TNNT3: variants seen among roughly 807,000 people sequenced by gnomAD.
The protein encoded by TNNT3 is troponin T3, fast skeletal type.
In TNNT3, 36 loss-of-function variants were observed where a neutral mutation model predicts 54.2. The ratio of observed to expected loss-of-function variants is 0.66; its 90% CI spans 0.51 to 0.88. The LOEUF is 0.88. Ranked by LOEUF, TNNT3 falls within the 40% of genes least tolerant of loss-of-function variation. The pLI is 0.00. For synonymous variants in TNNT3, 120 were observed against 109.7 expected, an observed-to-expected ratio of 1.09 and a Z score of -0.59; for missense variants, 291 against 331.6, an observed-to-expected ratio of 0.88 and a Z score of 0.95.
Position 1,929,144 on chromosome 11 carries a change from G to A in TNNT3, c.106+1G>A, listed in dbSNP as rs1852520530. 7 of 1,612,936 alleles carry A rather than the reference G, an allele frequency of 4.3e-6. No individual in the cohort carries two copies. The highest frequency in any genetic ancestry group is 5.1e-6 in the Non-Finnish European group (6 of 1,179,980). On this transcript the variant is annotated splice_donor_variant, in intron 7 of 15. Coordinates refer to ENST00000278317, the MANE Select transcript of TNNT3 (RefSeq NM_006757.4). LOFTEE classifies it high-confidence loss of function. ...GACACCGCAGAGGAGGACGCGGAAG[G>A]TAAGGGCCCGTCCCTGCCGCCGGAG... is the stretch of plus-strand genomic sequence containing the variant.
intron 11 of TNNT3, 36 bp from the exon 12 acceptor site, chr11:1,934,296 C>T: frequency 6.3e-7 from 1 of 1,588,226 alleles, no homozygotes; most frequent in Non-Finnish European, 8.6e-7. Context: ...AGCCCTCTCT[C>T]CATCCCTGAG....
At chr11:1,934,746 C>T in intron 13 of TNNT3, 83 bp from the exon 14 acceptor site, 1 of 1,594,684 alleles carries the variant, frequency 6.3e-7, no homozygotes, top group Middle Eastern at 1.7e-4. Context: ...ACCGTGCTCC[C>T]CAGTGGCTGC....
chr11:1,923,482 C>G, intron 3 of TNNT3, 73 bp from the exon 4 acceptor site: 2 of 1,532,888 alleles, frequency 1.3e-6, no homozygotes, highest in Non-Finnish European at 1.8e-6. Flanking sequence ...ACACACTGGC[C>G]TCTCATCCTC....
At chr11:1,920,054 C>T (rs977570124) in intron 1 of TNNT3, among the ~76,000 whole-genome samples, 12 of 152,138 alleles carry the variant, frequency 7.9e-5, no homozygotes. Flanking sequence ...CTCAGGGAAG[C>T]TCAGTGCTAG....
intron 4 of TNNT3, among the ~76,000 whole-genome samples, chr11:1,924,612 C>T (rs775391903): frequency 1.3e-5 from 2 of 152,374 alleles, no homozygotes; most frequent in East Asian, 1.9e-4. Flanking sequence ...GGGGCAGCCA[C>T]GTGGCAGGCC....
At chr11:1,923,015 CTCTT>C (rs762422414) in intron 2 of TNNT3, 29 bp from the exon 3 acceptor site, 28 of 1,613,804 alleles carry the variant, frequency 1.7e-5, no homozygotes, top group East Asian at 4.5e-5. Flanking sequence ...CTACCTCTCT[CTCTT>C]TCTTTCTCTC....
Position 1,932,590 on chromosome 11 carries a change from G to A in TNNT3, c.171+76G>A, listed in dbSNP as rs1853721344. 2.0e-6 allele frequency: 3 copies of A among 1,478,394 alleles called. No homozygotes were observed. In the East Asian group the frequency reaches 6.8e-5, roughly 33 times the overall value. The allele number at this position is 1,478,394 out of a possible 1,614,324, so 91.6% of individuals were successfully genotyped here. ...GCTTTTGGGCTCTAGGCCTCAGAAG[G>A]TCACTTCCTCCCAAGTAGCCAGAGC... On this transcript the variant is annotated intron_variant, in intron 9 of 15. Coordinates refer to ENST00000278317, the MANE Select transcript of TNNT3 (RefSeq NM_006757.4).
chr11:1,937,122 T>A, intron 15 of TNNT3, 119 bp downstream of exon 15: 1 of 1,149,800 alleles, frequency 8.7e-7, no homozygotes, highest in Non-Finnish European at 1.3e-6. Context: ...GTAACGAGAC[T>A]AACCCGGCCA....
intron 7 of TNNT3, 21 bp from the exon 8 acceptor site, chr11:1,929,789 C>T (rs547818719): frequency 4.6e-5 from 71 of 1,552,048 alleles, no homozygotes; most frequent in Middle Eastern, 1.7e-4. Context: ...CCTCTCCCTA[C>T]GCTGGTGCTG....
In TNNT3 at chr11:1,931,167, A is replaced by G. The variant is rs1044481429; in HGVS notation, c.126-1302A>G. On this transcript the variant is annotated intron_variant, in intron 8 of 15. Coordinates refer to ENST00000278317, the MANE Select transcript of TNNT3 (RefSeq NM_006757.4). ...TGAATGGCCACATAATATTCCATCA[A>G]TTGGACAAACCATAATTTTCCTAAC... 4.6e-5 allele frequency among the ~76,000 whole-genome samples: 7 copies of G among 152,190 alleles called. No homozygotes were observed. The South Asian group carries it at 1.5e-3, about 32-fold the overall frequency.
chr11:1,934,744 C>T, intron 13 of TNNT3, 85 bp from the exon 14 acceptor site: 2 of 1,594,200 alleles, frequency 1.3e-6, no homozygotes, highest in Non-Finnish European at 1.7e-6. Context: ...GGACCGTGCT[C>T]CCCAGTGGCT....
chr11:1,938,435 C>T lies in TNNT3; in HGVS notation c.723-3C>T. ...TGAAGGATCACTTGCTTCCCATTTG[C>T]AGCAGCAAGAAGGCTGGGACCCCAG... On this transcript the variant is annotated splice_polypyrimidine_tract_variant and splice_region_variant and intron_variant, in intron 15 of 15. Transcript: ENST00000278317. The T allele has an allele frequency of 6.2e-7, 1 of 1,613,200 alleles. No homozygotes were observed. Among genetic ancestry groups the T allele is most frequent in the East Asian group, 2.2e-5 (1 of 44,842 alleles).
At chr11:1,929,071 CACTG>C in intron 6 of TNNT3, 45 bp from the exon 7 acceptor site, 1 of 1,611,140 alleles carries the variant, frequency 6.2e-7, no homozygotes, top group Non-Finnish European at 8.5e-7. Flanking sequence ...CCCGCAGCCG[CACTG>C]GCTTTTCTCT....
chr11:1,926,780 T>A, intron 6 of TNNT3, 71 bp downstream of exon 6: 1 of 1,595,908 alleles, frequency 6.3e-7, no homozygotes, highest in South Asian at 1.1e-5. Context: ...GCTTCCTCCC[T>A]CTTGCCCACC....
chr11:1,938,600 C>G lies in TNNT3; in HGVS notation c.*108C>G. ...CCCCCACAATCCTGTCAGGGGCTCC[C>G]TGACAGTCCTGGGGGTGGAGAGGCC... On this transcript the variant is annotated 3_prime_UTR_variant, in exon 16 of 16. Coordinates refer to ENST00000278317, the MANE Select transcript of TNNT3 (RefSeq NM_006757.4). 1 of 1,209,524 alleles carries G rather than the reference C, an allele frequency of 8.3e-7. No homozygotes were observed. Among genetic ancestry groups the G allele is most frequent in the Non-Finnish European group, 1.2e-6 (1 of 832,102 alleles). 74.9% of individuals were successfully genotyped at this position (1,209,524 alleles called of 1,614,324 possible).
At chr11:1,937,284 G>A (rs1421866501) in intron 15 of TNNT3, among the ~76,000 whole-genome samples, 2 of 152,142 alleles carry the variant, frequency 1.3e-5, no homozygotes, top group African/African-American at 4.8e-5. Context: ...GTCTGGCACT[G>A]GCTGCAGGGA....
chr11:1,927,348 T>G (rs1205356343), intron 6 of TNNT3, among the ~76,000 whole-genome samples: 3 of 152,034 alleles, frequency 2.0e-5, no homozygotes, highest in African/African-American at 7.2e-5. Context: ...CCCTCCCTGG[T>G]AGTGGGGCCG....
chr11:1,926,273 G>C (rs1453864219), intron 5 of TNNT3, among the ~76,000 whole-genome samples: 1 of 152,242 alleles, frequency 6.6e-6, no homozygotes, highest in Non-Finnish European at 1.5e-5. Flanking sequence ...CAGATGCTGA[G>C]AGCAGGGTTT....
chr11:1,926,590 G>A (rs1338775941), intron 5 of TNNT3, 105 bp from the exon 6 acceptor site: 24 of 1,608,190 alleles, frequency 1.5e-5, no homozygotes, highest in Middle Eastern at 1.7e-4. Flanking sequence ...TGGCCTGCTC[G>A]CTCCGCCGCC....
Sources: gnomAD v4.1 joint callset for allele counts (sites outside exome capture counted in the v4.1 genomes callset) on GRCh38, gnomAD v4.1.1 for gene constraint, MANE v1.5 for transcripts, NCBI Gene and HGNC (gene_info 2026-07-23, HGNC 2026-07-21) for gene names.